PCDH15: variants seen among roughly 807,000 people sequenced by gnomAD.
PCDH15 encodes protocadherin-15.
In PCDH15, 129 loss-of-function variants were observed where a neutral mutation model predicts 178.5. The ratio of observed to expected loss-of-function variants is 0.72; its 90% CI spans 0.63 to 0.84. PCDH15 has a LOEUF of 0.84. PCDH15 is among the 40% of genes least tolerant of loss of function. The pLI is 0.00. For missense variants in PCDH15, 2,230 were observed against 2,099.9 expected, an observed-to-expected ratio of 1.06 and a Z score of -1.21; for synonymous variants, 800 against 732.0, an observed-to-expected ratio of 1.09 and a Z score of -1.50.
Position 53,857,253 on chromosome 10 carries a change from A to G in PCDH15, c.3728T>C (p.Val1243Ala), listed in dbSNP as rs754768438. 1 of 1,610,722 alleles carries G rather than the reference A, an allele frequency of 6.2e-7. No homozygotes were observed. Among genetic ancestry groups the G allele is most frequent in the Non-Finnish European group, 8.5e-7 (1 of 1,177,274 alleles). ...SGKADVLVSV[V>A]NQLDMQVIVS... is the part of the protein sequence containing the mutation. ...AATGACTTGCATATCCAGCTGATTG[A>G]CCACGGAGACCTGAAAGAAGAAAAA... Residue 1243 changes from valine (V) to alanine (A), a missense_variant, in exon 28 of 38, where the codon GTC becomes GCC. Physicochemically the swap from Val to Ala is moderately conservative, Grantham distance 64 (BLOSUM62 0). Coordinates refer to ENST00000644397, the MANE Select transcript of PCDH15 (RefSeq NM_001384140.1).
At chr10:54,212,480 T>G (rs999850949) in intron 10 of PCDH15, among the ~76,000 whole-genome samples, 2 of 152,134 alleles carry the variant, frequency 1.3e-5, no homozygotes, top group African/African-American at 2.4e-5. Flanking sequence ...TGCCTCCTTA[T>G]GTTCAAACAT....
intron 3 of PCDH15, among the ~76,000 whole-genome samples, chr10:54,519,717 A>G (rs987605091): frequency 1.2e-4 from 19 of 152,312 alleles, no homozygotes; most frequent in South Asian, 8.3e-4. Flanking sequence ...ACCTCCTTTA[A>G]AGTTCATATG....
intron 1 of PCDH15, among the ~76,000 whole-genome samples, chr10:54,709,359 C>T (rs926169378): frequency 6.6e-6 from 1 of 151,900 alleles, no homozygotes; most frequent in Non-Finnish European, 1.5e-5. Flanking sequence ...CTACTCCATA[C>T]ATTATTATAC....
chr10:55,120,845 C>T (rs1017454762), intron 2 of PCDH15, among the ~76,000 whole-genome samples: 1 of 152,106 alleles, frequency 6.6e-6, no homozygotes, highest in African/African-American at 2.4e-5. Flanking sequence ...TTGCATACTG[C>T]CAACTCTGTA....
chr10:54,896,597 A>T lies in PCDH15; in HGVS notation c.-29+853T>A, dbSNP rs934923994. 2.1e-4 allele frequency among the ~76,000 whole-genome samples: 19 copies of T among 91,476 alleles called. 1 individual carries two copies. Among genetic ancestry groups the T allele is most frequent in the Non-Finnish European group, 4.4e-4 (15 of 33,942 alleles). The allele number at this position is 91,476 out of a possible 152,430, so 60.0% of individuals were successfully genotyped here. On this transcript the variant is annotated intron_variant, in intron 3 of 5. Coordinates refer to the PCDH15 transcript ENST00000458638. ...AGTCATGCCAATAAGATGTTTTTTT[A>T]AAAAATGTTTCTTCTCCTTAAGTTT... is the stretch of plus-strand genomic sequence containing the variant.
chr10:54,314,291 A>G (rs1427321129), intron 8 of PCDH15, among the ~76,000 whole-genome samples: 1 of 152,144 alleles, frequency 6.6e-6, no homozygotes, highest in East Asian at 1.9e-4. Flanking sequence ...GAATGAAACA[A>G]AAATGCACAT....
intron 2 of PCDH15, among the ~76,000 whole-genome samples, chr10:55,624,558 GT>G (rs1476975630): frequency 6.6e-6 from 1 of 152,082 alleles, no homozygotes; most frequent in Non-Finnish European, 1.5e-5. Context: ...ATGCTGCACT[GT>G]TATTGGGCAA....
At chr10:54,417,815 T>G (rs947614593) in intron 3 of PCDH15, among the ~76,000 whole-genome samples, 1 of 152,224 alleles carries the variant, frequency 6.6e-6, no homozygotes, top group African/African-American at 2.4e-5. Context: ...TTCACAATGC[T>G]ATGACTGTAT....
At chr10:54,417,098 C>A (rs1330120636) in intron 3 of PCDH15, among the ~76,000 whole-genome samples, 1 of 152,066 alleles carries the variant, frequency 6.6e-6, no homozygotes, top group African/African-American at 2.4e-5. Context: ...CCATGTTTCC[C>A]AGGCTGGTCT....
At chr10:54,992,094 A>C (rs960736987) in intron 2 of PCDH15, among the ~76,000 whole-genome samples, 5 of 152,132 alleles carry the variant, frequency 3.3e-5, no homozygotes, top group Admixed American at 6.5e-5. Flanking sequence ...AAAAGAAAAA[A>C]TAAAGAATTT....
At chr10:55,559,918 A>T (rs1340220285) in intron 2 of PCDH15, among the ~76,000 whole-genome samples, 1 of 151,962 alleles carries the variant, frequency 6.6e-6, no homozygotes, top group African/African-American at 2.4e-5. Context: ...CTTTCCAATG[A>T]TCACTAAAAA....
chr10:55,443,520 C>T (rs1295916957), intron 2 of PCDH15, among the ~76,000 whole-genome samples: 4 of 151,952 alleles, frequency 2.6e-5, no homozygotes, highest in Non-Finnish European at 4.4e-5. Context: ...CGGCCAAAAA[C>T]CATATGAAAT....
At chr10:54,376,902 C>T (rs1325731323) in intron 4 of PCDH15, among the ~76,000 whole-genome samples, 3 of 151,950 alleles carry the variant, frequency 2.0e-5, no homozygotes, top group Non-Finnish European at 4.4e-5. Context: ...AAAATTTTCA[C>T]TGCAGCATTT....
intron 2 of PCDH15, among the ~76,000 whole-genome samples, chr10:55,406,664 A>G (rs907739460): frequency 6.6e-6 from 1 of 152,126 alleles, no homozygotes; most frequent in Admixed American, 6.6e-5. Flanking sequence ...AGAGATCAGG[A>G]GTAGGCAGCT....
At chr10:54,875,004 TA>T (rs1251096582) in intron 3 of PCDH15, among the ~76,000 whole-genome samples, 17 of 152,304 alleles carry the variant, frequency 1.1e-4, no homozygotes, top group African/African-American at 4.1e-4. Flanking sequence ...ACAGCCTATA[TA>T]CAAGCACGCT....
At chr10:53,839,385 AATAG>A (rs769241651) in intron 29 of PCDH15, among the ~76,000 whole-genome samples, 4 of 152,190 alleles carry the variant, frequency 2.6e-5, no homozygotes, top group East Asian at 1.9e-4. Context: ...ATAAAAATTG[AATAG>A]ATATTTACAA....
At chr10:54,440,949 T>C (rs1463242595) in intron 3 of PCDH15, among the ~76,000 whole-genome samples, 1 of 152,026 alleles carries the variant, frequency 6.6e-6, no homozygotes, top group Non-Finnish European at 1.5e-5. Context: ...CTTTGATGAC[T>C]ATAAAAATAA....
chr10:54,043,708 A>G (rs1371352936), intron 18 of PCDH15, among the ~76,000 whole-genome samples: 2 of 152,076 alleles, frequency 1.3e-5, no homozygotes, highest in Non-Finnish European at 2.9e-5. Flanking sequence ...TTACAAGGAA[A>G]GATGCAATCA....
chr10:55,188,643 T>G (rs1400882648), intron 1 of PCDH15, among the ~76,000 whole-genome samples: 1 of 151,922 alleles, frequency 6.6e-6, no homozygotes, highest in Non-Finnish European at 1.5e-5. Context: ...TTATTTTAGT[T>G]GCCATAAGAC....
Sources: gnomAD v4.1 joint callset for allele counts (sites outside exome capture counted in the v4.1 genomes callset) on GRCh38, gnomAD v4.1.1 for gene constraint, MANE v1.5 for transcripts, NCBI Gene and HGNC (gene_info 2026-07-23, HGNC 2026-07-21) for gene names.